Variants in CCNH observed in about 807,000 individuals in gnomAD.
The protein encoded by CCNH is cyclin H.
A neutral mutation model predicts 41.9 loss-of-function variants in CCNH; 31 were observed. That is an observed-to-expected ratio of 0.74 (90% CI 0.56 to 1.00). The LOEUF is 1.00. CCNH is among the 50% of genes least tolerant of loss of function. The probability of loss-of-function intolerance (pLI) is 0.00; values close to 1 mark genes in which losing one functional copy is unlikely to be tolerated. For synonymous variants in CCNH, 138 were observed against 136.1 expected (o/e 1.01, Z -0.10); for missense variants, 362 against 388.4 (o/e 0.93, Z 0.57).
chr5:87,409,636 G>A (rs201228024), intron 2 of CCNH, among the ~76,000 whole-genome samples: 5 of 142,252 alleles, frequency 3.5e-5, no homozygotes, highest in African/African-American at 1.5e-4. Context: ...ATACGTGTGT[G>A]TGTGTGTGTG....
rs780769856 is a variant in CCNH, at chr5:87,411,199, A to T, written c.240+25T>A. The T allele has an allele frequency of 5.0e-6, 8 of 1,595,090 alleles. No homozygotes were observed. The African/African-American group carries it at 1.1e-4, about 22-fold the overall frequency. The stretch of plus-strand genomic sequence containing the variant: ...TTTCACAAGCCAACTAAAGGACATT[A>T]TATTTCATCACCACTGTAACTTACC... On this transcript the variant is annotated intron_variant, in intron 2 of 8. Transcript: ENST00000256897.
chr5:87,354,847 C>T (rs1486096020), intron 9 of CCNH, among the ~76,000 whole-genome samples: 1 of 152,080 alleles, frequency 6.6e-6, no homozygotes, highest in Non-Finnish European at 1.5e-5. Flanking sequence ...AAGTGAAACA[C>T]CCTTATTGCT....
intron 9 of CCNH, among the ~76,000 whole-genome samples, chr5:87,320,849 G>A (rs771808030): frequency 6.6e-6 from 1 of 152,222 alleles, no homozygotes; most frequent in Non-Finnish European, 1.5e-5. Flanking sequence ...TGACTGCATT[G>A]TGAAAAGACA....
In CCNH at chr5:87,412,664, TG is replaced by T; in HGVS notation, c.117+13del. Reference sequence around the variant, plus strand: ...AGTGACCGGGCAACTGGGCAACCGTTGGGAAAACCTCACCTTCCCGTTGGCC... The same window carrying T: ...AGTGACCGGGCAACTGGGCAACCGTTGGAAAACCTCACCTTCCCGTTGGCC... On this transcript the variant is annotated intron_variant, in intron 1 of 8. Coordinates refer to ENST00000256897, the MANE Select transcript of CCNH (RefSeq NM_001239.4). 2 of 1,613,452 alleles carry T rather than the reference TG, an allele frequency of 1.2e-6. No individual in the cohort carries two copies. The highest frequency in any genetic ancestry group is 1.7e-6 in the Non-Finnish European group (2 of 1,179,584).
At chr5:87,334,656 G>A (rs1402758950) in intron 9 of CCNH, among the ~76,000 whole-genome samples, 1 of 152,186 alleles carries the variant, frequency 6.6e-6, no homozygotes, top group Non-Finnish European at 1.5e-5. Context: ...AATCAAGGCT[G>A]TGGCACAAAA....
At chr5:87,342,880 T>C (rs1199030610) in intron 9 of CCNH, among the ~76,000 whole-genome samples, 4 of 152,176 alleles carry the variant, frequency 2.6e-5, no homozygotes, top group Admixed American at 6.5e-5. Context: ...TTTAAAAATA[T>C]AGGTTAAATG....
downstream of CCNH, chr5:87,389,439 T>C (rs982076955): frequency 1.9e-6 from 3 of 1,614,082 alleles, no homozygotes; most frequent in African/African-American, 1.3e-5. Context: ...AGAACGGACC[T>C]GTCCCGTGAT....
At chr5:87,391,546 CAA>C (rs1383963224), downstream of CCNH, 1 of 237,318 alleles carries the variant, frequency 4.2e-6, no homozygotes, top group Admixed American at 5.3e-5. Context: ...TTGAAATTGT[CAA>C]AGACTGTATT....
At chr5:87,352,724 G>T (rs1258144638) in intron 9 of CCNH, among the ~76,000 whole-genome samples, 1 of 151,272 alleles carries the variant, frequency 6.6e-6, no homozygotes, top group Non-Finnish European at 1.5e-5. Flanking sequence ...AAACCAGTAT[G>T]TGTAAATGTG....
At chr5:87,389,425 T>C, downstream of CCNH, 7 of 1,614,178 alleles carry the variant, frequency 4.3e-6, no homozygotes, top group Non-Finnish European at 5.9e-6. Flanking sequence ...CTACAGAGCA[T>C]TCTAGAACGG....
chr5:87,329,682 T>C (rs1757472931), intron 9 of CCNH, among the ~76,000 whole-genome samples: 1 of 152,164 alleles, frequency 6.6e-6, no homozygotes, highest in Non-Finnish European at 1.5e-5. Flanking sequence ...TAGAGATTTT[T>C]AAAAATTGTC....
intron 9 of CCNH, among the ~76,000 whole-genome samples, chr5:87,384,672 G>A (rs1335632208): frequency 6.6e-6 from 1 of 152,068 alleles, no homozygotes; most frequent in Non-Finnish European, 1.5e-5. Flanking sequence ...GGATTTTACT[G>A]TTAAATAATT....
At chr5:87,356,678 G>A (rs1191719416) in intron 9 of CCNH, among the ~76,000 whole-genome samples, 1 of 152,148 alleles carries the variant, frequency 6.6e-6, no homozygotes, top group Non-Finnish European at 1.5e-5. Flanking sequence ...TGCCCCAACA[G>A]TTTTTAGTAA....
chr5:87,390,977 C>A, downstream of CCNH: 1 of 1,194,396 alleles, frequency 8.4e-7, no homozygotes, highest in Non-Finnish European at 1.2e-6. Flanking sequence ...CAAAAAATAG[C>A]ACACTTTTCC....
intron 9 of CCNH, among the ~76,000 whole-genome samples, chr5:87,343,828 G>T (rs1896694): frequency 0.36 from 54,276 of 151,996 alleles, 9,908 homozygotes; most frequent in East Asian, 0.48. Context: ...GTGTTCATCA[G>T]TGGATGAATG....
downstream of CCNH, chr5:87,391,481 T>C (rs1014046444): frequency 5.4e-5 from 13 of 240,264 alleles, no homozygotes; most frequent in African/African-American, 8.8e-5. Flanking sequence ...AAAGAAAATA[T>C]ATAGAATGAT....
chr5:87,393,354 A>C (rs1762658954), downstream of CCNH: 2 of 152,128 alleles, frequency 1.3e-5, no homozygotes, highest in Admixed American at 1.3e-4. Flanking sequence ...GGTTCCAATT[A>C]TAATAGTTAA....
intron 9 of CCNH, among the ~76,000 whole-genome samples, chr5:87,354,852 AT>A (rs1336560337): frequency 3.9e-5 from 6 of 152,172 alleles, no homozygotes. Context: ...AAACACCCTT[AT>A]TGCTGATATA....
At chr5:87,400,917 C>T (rs1561348574) in intron 6 of CCNH, among the ~76,000 whole-genome samples, 1 of 152,214 alleles carries the variant, frequency 6.6e-6, no homozygotes. Flanking sequence ...CTACTCAACT[C>T]TCAACACCGG....
Sources: gnomAD v4.1 joint callset for allele counts (sites outside exome capture counted in the v4.1 genomes callset) on GRCh38, gnomAD v4.1.1 for gene constraint, MANE v1.5 for transcripts, NCBI Gene and HGNC (gene_info 2026-07-23, HGNC 2026-07-21) for gene names.